MEIOSIN: variants seen among roughly 807,000 people sequenced by gnomAD.
MEIOSIN encodes meiosis initiator.
A neutral mutation model predicts 23.4 loss-of-function variants in MEIOSIN; 18 were observed. The observed-to-expected ratio is 0.77, with a 90% CI of 0.53 to 1.14. The LOEUF is 1.14. Among genes scored for constraint, MEIOSIN ranks in the 50% most tolerant of loss-of-function variants. The probability of loss-of-function intolerance (pLI) is 0.00; values close to 1 mark genes in which losing one functional copy is unlikely to be tolerated. For missense variants in MEIOSIN, 428 were observed against 242.9 expected, an observed-to-expected ratio of 1.76 and a Z score of -5.07; for synonymous variants, 187 against 100.6, an observed-to-expected ratio of 1.86 and a Z score of -5.14.
At chr19:45,739,995 G>C (rs995643507) in intron 3 of MEIOSIN, among the ~76,000 whole-genome samples, 9 of 151,924 alleles carry the variant, frequency 5.9e-5, no homozygotes, top group African/African-American at 2.2e-4. Context: ...TTACAGGCAC[G>C]TGCCACCACG....
At chr19:45,743,971 G>A (rs1016944642) in intron 3 of MEIOSIN, among the ~76,000 whole-genome samples, 11 of 151,108 alleles carry the variant, frequency 7.3e-5, no homozygotes, top group Admixed American at 6.6e-4. Context: ...GCAAAGCATG[G>A]CCTCTTCATG....
At chr19:45,752,033 GTT>G (rs36122176) in intron 5 of MEIOSIN, among the ~76,000 whole-genome samples, 1,120 of 64,176 alleles carry the variant, frequency 0.017, 5 homozygotes, top group African/African-American at 0.059. Flanking sequence ...GCTCCTAGCC[GTT>G]TTTTTTTTTT....
At chr19:45,734,582 C>T (rs1448658145) in intron 1 of MEIOSIN, among the ~76,000 whole-genome samples, 1 of 151,650 alleles carries the variant, frequency 6.6e-6, no homozygotes, top group Non-Finnish European at 1.5e-5. Flanking sequence ...TAGCTCACTG[C>T]AGCCTTGACC....
intron 3 of MEIOSIN, among the ~76,000 whole-genome samples, chr19:45,741,040 A>G (rs1968496021): frequency 6.6e-6 from 1 of 151,946 alleles, no homozygotes; most frequent in Non-Finnish European, 1.5e-5. Context: ...TACCTTCTTG[A>G]TCCCCTTCTT....
At chr19:45,736,418 A>G (rs1968408999) in intron 2 of MEIOSIN, among the ~76,000 whole-genome samples, 1 of 151,936 alleles carries the variant, frequency 6.6e-6, no homozygotes, top group Non-Finnish European at 1.5e-5. Context: ...TGTAGAGTGC[A>G]GTGGCGCGAT....
At chr19:45,738,762 G>A (rs1008435729) in intron 2 of MEIOSIN, among the ~76,000 whole-genome samples, 1 of 152,154 alleles carries the variant, frequency 6.6e-6, no homozygotes, top group Non-Finnish European at 1.5e-5. Context: ...GTAAGACGAG[G>A]ACTGTGTGCT....
chr19:45,738,677 G>A (rs1302872218), intron 2 of MEIOSIN, among the ~76,000 whole-genome samples: 1 of 152,224 alleles, frequency 6.6e-6, no homozygotes, highest in Non-Finnish European at 1.5e-5. Context: ...AGCACAGTAA[G>A]AGAAGTATGG....
rs977670424 is a variant in MEIOSIN at position 45,745,288 on chromosome 19, A to G, written c.273A>G (p.Ile91Met). Reference protein sequence around the residue: ...KLQELALLLPIALKTGTKKLT... With the variant: ...KLQELALLLPMALKTGTKKLT... ...AAGAGTTGGCACTGCTGCTGCCCATAGCCCTGAAGACGGGGACCAAGAAGC... is the reference window on the plus strand; with the variant it reads ...AAGAGTTGGCACTGCTGCTGCCCATGGCCCTGAAGACGGGGACCAAGAAGC... Residue 91 changes from isoleucine to methionine, a missense_variant, in exon 4 of 15, where the codon ATA (isoleucine) becomes ATG (methionine). By Grantham distance (10) the Ile-to-Met change is conservative. Coordinates refer to ENST00000457052, the MANE Select transcript of MEIOSIN (RefSeq NM_001310124.2). 2.8e-5 allele frequency: 20 copies of G among 702,900 alleles called. No individual in the cohort carries two copies. Among genetic ancestry groups the G allele is most frequent in the Non-Finnish European group, 4.9e-5 (19 of 385,020 alleles). 43.5% of individuals were successfully genotyped at this position (702,900 alleles called of 1,614,324 possible).
At chr19:45,747,281 T>C (rs1968612223) in intron 4 of MEIOSIN, among the ~76,000 whole-genome samples, 1 of 152,212 alleles carries the variant, frequency 6.6e-6, no homozygotes, top group African/African-American at 2.4e-5. Flanking sequence ...CCGTGGGACA[T>C]GCTCAGTCCA....
chr19:45,737,203 T>C (rs1261348625), intron 2 of MEIOSIN, among the ~76,000 whole-genome samples: 1 of 151,370 alleles, frequency 6.6e-6, no homozygotes, highest in Non-Finnish European at 1.5e-5. Context: ...AACAAGGTCT[T>C]GCTCTGTCAC....
chr19:45,756,131 C>T (rs890710186), intron 8 of MEIOSIN, 53 bp downstream of exon 8: 1 of 697,482 alleles, frequency 1.4e-6, no homozygotes, highest in South Asian at 1.5e-5. Flanking sequence ...TTTGGTCTGG[C>T]GTGGGTGAGG....
In MEIOSIN at chr19:45,750,776, TG is replaced by T; in HGVS notation, c.410del (p.Gly137AspfsTer45). 1 of 620,724 alleles carries T rather than the reference TG, an allele frequency of 1.6e-6. No individual in the cohort carries two copies. Among genetic ancestry groups the T allele is most frequent in the Non-Finnish European group, 2.8e-6 (1 of 351,756 alleles). The allele number at this position is 620,724 out of a possible 1,614,324, so 38.5% of individuals were successfully genotyped here. ...FKCHITTGEGGLAGLGQKPAW... is the reference protein window; with the variant it reads ...FKCHITTGEGXLAGLGQKPAW... ...AATGCCACATCACCACTGGGGAAGG[TG>T]GACTTGCGGGTAAGTAGTTCAGCCA... On this transcript the variant is annotated frameshift_variant, in exon 5 of 15. Coordinates refer to ENST00000457052, the MANE Select transcript of MEIOSIN (RefSeq NM_001310124.2). LOFTEE classifies it high-confidence loss of function.
At chr19:45,754,929 G>A (rs572013858) in intron 7 of MEIOSIN, among the ~76,000 whole-genome samples, 2 of 152,300 alleles carry the variant, frequency 1.3e-5, no homozygotes, top group Non-Finnish European at 1.5e-5. Context: ...TGAGATCAGC[G>A]TCATTGTCTT....
intron 14 of MEIOSIN, 87 bp from the exon 15 acceptor site, chr19:45,763,884 C>T (rs1969001222): frequency 2.5e-6 from 1 of 398,352 alleles, no homozygotes; most frequent in East Asian, 3.6e-5. Context: ...TGGCCCAGGC[C>T]CCTGCGGGGA....
At chr19:45,736,961 C>G (rs929983346) in intron 2 of MEIOSIN, among the ~76,000 whole-genome samples, 1 of 151,200 alleles carries the variant, frequency 6.6e-6, no homozygotes, top group Non-Finnish European at 1.5e-5. Context: ...CTCCGCCTCC[C>G]GGGTTCAAGC....
chr19:45,754,724 A>T lies in MEIOSIN; in HGVS notation c.802A>T (p.Ser268Cys). The change falls in exon 7 of 15, where the codon AGC becomes TGC. Residue 268 changes from serine (S) to cysteine (C), a missense_variant and splice_region_variant. Transcript: ENST00000457052. ...AEDTIHCDIS[S>C]CWCQGSVQDD... ...GGACACCATCCACTGTGACATCTCA[A>T]GTGGGTCTCTTTCCTCACTCTGAAC... 1.4e-6 allele frequency: 1 copy of T among 702,966 alleles called. No homozygotes were observed. Among genetic ancestry groups the T allele is most frequent in the Non-Finnish European group, 2.6e-6 (1 of 384,968 alleles). 43.5% of individuals were successfully genotyped at this position (702,966 alleles called of 1,614,324 possible).
chr19:45,761,623 G>C (rs1022317518), intron 11 of MEIOSIN, 56 bp from the exon 12 acceptor site: 10 of 680,472 alleles, frequency 1.5e-5, no homozygotes, highest in Non-Finnish European at 2.4e-5. Flanking sequence ...AGTACTGGGG[G>C]GATGAAGGGG....
At chr19:45,737,968 C>T (rs1968437382) in intron 2 of MEIOSIN, among the ~76,000 whole-genome samples, 1 of 151,826 alleles carries the variant, frequency 6.6e-6, no homozygotes, top group South Asian at 2.1e-4. Flanking sequence ...GCTGCCTACA[C>T]TGGTCTGAAA....
chr19:45,746,158 G>A (rs1398543343), intron 4 of MEIOSIN, among the ~76,000 whole-genome samples: 1 of 151,854 alleles, frequency 6.6e-6, no homozygotes, highest in Non-Finnish European at 1.5e-5. Flanking sequence ...GTAGAGACGA[G>A]GTTTTACCAT....
Sources: allele counts gnomAD v4.1 joint callset (sites outside exome capture counted in the v4.1 genomes callset), GRCh38; gene constraint gnomAD v4.1.1; transcripts MANE v1.5; gene names NCBI Gene and HGNC (gene_info 2026-07-23, HGNC 2026-07-21).